Variants in TCAF1 observed in about 807,000 individuals in gnomAD.
TCAF1 encodes the protein TRPM8 channel-associated factor 1.
In TCAF1, 4 loss-of-function variants were observed where a neutral mutation model predicts 27.3. That is an observed-to-expected ratio of 0.15 (90% CI 0.07 to 0.34). The LOEUF (loss-of-function observed/expected upper bound fraction) is 0.34. Ranked by LOEUF, TCAF1 falls within the 10% of genes least tolerant of loss-of-function variation. The pLI is 1.00. For missense variants in TCAF1, 257 were observed against 425.8 expected, an observed-to-expected ratio of 0.60 and a Z score of 3.49; for synonymous variants, 105 against 167.1, an observed-to-expected ratio of 0.63 and a Z score of 2.87.
intron 1 of TCAF1, among the ~76,000 whole-genome samples, chr7:143,888,259 A>G (rs1056642541): frequency 6.6e-6 from 1 of 152,240 alleles, no homozygotes; most frequent in African/African-American, 2.4e-5. Flanking sequence ...GAAACAAACT[A>G]AAAGCAGGAA....
intron 1 of TCAF1, among the ~76,000 whole-genome samples, 198 bp from the exon 2 acceptor site, chr7:143,876,820 C>T (rs897026386): frequency 6.6e-6 from 1 of 152,160 alleles, no homozygotes. Flanking sequence ...TTAAATTCTG[C>T]AGTCAAACTT....
intron 1 of TCAF1, chr7:143,882,792 AGAG>A: frequency 1.0e-6 from 1 of 985,708 alleles, no homozygotes; most frequent in Non-Finnish European, 1.2e-6. Flanking sequence ...CCTGGCGCAG[AGAG>A]GAATGCACAG....
Position 143,851,496 on chromosome 7 carries a change from T to A in TCAF1, c.*2637A>T, listed in dbSNP as rs1383668966. On this transcript the variant is annotated 3_prime_UTR_variant, in exon 9 of 9. Coordinates refer to ENST00000479870, the MANE Select transcript of TCAF1 (RefSeq NM_014719.3). ...AGTTTCCCATCCCACCCTTTTTAAATCTAAATCCCATTCCCTAGAGGTAAT... is the reference window on the plus strand; with the variant it reads ...AGTTTCCCATCCCACCCTTTTTAAAACTAAATCCCATTCCCTAGAGGTAAT... The A allele has an allele frequency of 6.6e-6, 1 of 152,406 alleles. No individual in the cohort carries two copies. Among genetic ancestry groups the A allele is most frequent in the Admixed American group, 6.5e-5 (1 of 15,310 alleles). The allele number at this position is 152,406 out of a possible 1,614,324, so 9.4% of individuals were successfully genotyped here.
At chr7:143,894,427 G>A (rs1282112624) in intron 1 of TCAF1, among the ~76,000 whole-genome samples, 1 of 151,750 alleles carries the variant, frequency 6.6e-6, no homozygotes, top group Non-Finnish European at 1.5e-5. Context: ...AAAACCTAGA[G>A]ACGAATATTA....
chr7:143,866,557 G>A (rs1433419514), intron 2 of TCAF1, among the ~76,000 whole-genome samples: 2 of 150,360 alleles, frequency 1.3e-5, no homozygotes, highest in Non-Finnish European at 3.0e-5. Context: ...ACAACCGCAG[G>A]CAACTACTGA....
At chr7:143,883,446 C>T (rs1813191143) in intron 1 of TCAF1, among the ~76,000 whole-genome samples, 1 of 151,214 alleles carries the variant, frequency 6.6e-6, no homozygotes, top group Non-Finnish European at 1.5e-5. Flanking sequence ...CAATAGTTAA[C>T]CAAAATGTAT....
At chr7:143,880,499 C>A (rs1812956720) in intron 1 of TCAF1, among the ~76,000 whole-genome samples, 1 of 152,128 alleles carries the variant, frequency 6.6e-6, no homozygotes, top group Non-Finnish European at 1.5e-5. Context: ...AAGAGGTGAA[C>A]CATTTTCTCT....
At chr7:143,876,707 G>T in intron 1 of TCAF1, 85 bp from the exon 2 acceptor site, 2 of 1,102,784 alleles carry the variant, frequency 1.8e-6, no homozygotes, top group Admixed American at 2.9e-5. Flanking sequence ...TCCAGTAGCT[G>T]GGCTATTCTT....
chr7:143,888,457 G>A (rs1276012194), intron 1 of TCAF1, among the ~76,000 whole-genome samples: 1 of 152,168 alleles, frequency 6.6e-6, no homozygotes, highest in African/African-American at 2.4e-5. Flanking sequence ...TTCCAACAGG[G>A]TAAAGGTAAA....
chr7:143,890,402 A>T (rs1443232612), intron 1 of TCAF1, among the ~76,000 whole-genome samples: 1 of 152,166 alleles, frequency 6.6e-6, no homozygotes, highest in Non-Finnish European at 1.5e-5. Flanking sequence ...AGTGTCTTGA[A>T]CTTGAAGGGG....
intron 1 of TCAF1, among the ~76,000 whole-genome samples, chr7:143,897,873 TATG>T (rs1269985090): frequency 1.3e-5 from 2 of 152,086 alleles, no homozygotes; most frequent in Non-Finnish European, 2.9e-5. Context: ...CATATTATTT[TATG>T]ATAATACCAG....
At chr7:143,896,543 A>T (rs905357365) in intron 1 of TCAF1, among the ~76,000 whole-genome samples, 1 of 152,098 alleles carries the variant, frequency 6.6e-6, no homozygotes, top group African/African-American at 2.4e-5. Flanking sequence ...ACACAAAGAA[A>T]ACTTACTGGG....
chr7:143,894,385 T>C (rs916277943), intron 1 of TCAF1, among the ~76,000 whole-genome samples: 1 of 151,850 alleles, frequency 6.6e-6, no homozygotes, highest in Non-Finnish European at 1.5e-5. Context: ...ATAACTTTGA[T>C]AGCAAAATCT....
intron 1 of TCAF1, among the ~76,000 whole-genome samples, chr7:143,877,768 C>G (rs976739384): frequency 2.6e-5 from 4 of 152,230 alleles, no homozygotes; most frequent in African/African-American, 9.6e-5. Context: ...CACTGCTCTT[C>G]AGTCCATGAG....
chr7:143,886,125 T>C (rs369643663), intron 1 of TCAF1, among the ~76,000 whole-genome samples: 1 of 152,278 alleles, frequency 6.6e-6, no homozygotes, highest in African/African-American at 2.4e-5. Context: ...TCATCTAACC[T>C]GGAGAGCTCA....
intron 1 of TCAF1, chr7:143,882,221 A>ACACACAC (rs1813080664): frequency 7.3e-6 from 1 of 136,516 alleles, no homozygotes; most frequent in Admixed American, 8.0e-5. Flanking sequence ...CACACACACG[A>ACACACAC]ACGCTCACTC....
At chr7:143,882,638 G>A (rs1463731455) in intron 1 of TCAF1, 1 of 564,262 alleles carries the variant, frequency 1.8e-6, no homozygotes, top group Non-Finnish European at 2.2e-6. Flanking sequence ...CCCCCGCCCC[G>A]GCCTCCCGCC....
At position 143,894,881 on chromosome 7, in the gene TCAF1, A is replaced by G. The variant is rs533967357; in HGVS notation, c.-15+7080T>C. 2.6e-5 allele frequency among the ~76,000 whole-genome samples: 4 copies of G among 151,888 alleles called. No homozygotes were observed. The East Asian group carries it at 7.7e-4, about 29-fold the overall frequency. Reference sequence around the variant, plus strand: ...TTAACACACTCACAAAATTAATTAAAAAAAGAAACCACCCCTTTACCCCCA... The same window carrying G: ...TTAACACACTCACAAAATTAATTAAGAAAAGAAACCACCCCTTTACCCCCA... On this transcript the variant is annotated intron_variant, in intron 1 of 8. Coordinates refer to ENST00000479870, the MANE Select transcript of TCAF1 (RefSeq NM_014719.3).
intron 2 of TCAF1, among the ~76,000 whole-genome samples, chr7:143,875,264 T>C (rs1812630207): frequency 1.3e-5 from 2 of 152,204 alleles, no homozygotes; most frequent in Non-Finnish European, 2.9e-5. Flanking sequence ...ATCCAGCTTA[T>C]AATCCCTCTC....
Sources: allele counts gnomAD v4.1 joint callset (sites outside exome capture counted in the v4.1 genomes callset), GRCh38; gene constraint gnomAD v4.1.1; transcripts MANE v1.5; gene names NCBI Gene and HGNC (gene_info 2026-07-23, HGNC 2026-07-21).